The following NALCN variants were observed in gnomAD, a reference collection of about 807,000 sequenced individuals.
NALCN encodes the protein sodium leak channel, non-selective.
Under a neutral mutation model 225.3 loss-of-function variants are expected in NALCN, and 111 were observed. That is an observed-to-expected ratio of 0.49 (90% CI 0.42 to 0.58). The LOEUF (loss-of-function observed/expected upper bound fraction) is 0.58, where lower values mean the gene tolerates loss of function less well. Among genes scored for constraint, NALCN ranks in the 20% least tolerant of loss-of-function variants. The pLI is 0.00. For missense variants in NALCN, 1,378 were observed against 2,202.4 expected (o/e 0.63, Z 7.49); for synonymous variants, 764 against 769.0 (o/e 0.99, Z 0.11).
At chr13:101,135,264 T>A (rs1253705216) in intron 17 of NALCN, among the ~76,000 whole-genome samples, 1 of 152,196 alleles carries the variant, frequency 6.6e-6, no homozygotes, top group African/African-American at 2.4e-5. Context: ...AAATACAAAA[T>A]GACTTTATGA....
intron 1 of NALCN, among the ~76,000 whole-genome samples, chr13:101,405,760 A>G (rs969049143): frequency 2.0e-5 from 3 of 152,190 alleles, no homozygotes; most frequent in Non-Finnish European, 4.4e-5. Flanking sequence ...TTAAAAACAG[A>G]AGTTGCTGTA....
At chr13:101,335,529 T>G (rs1258835169) in intron 7 of NALCN, among the ~76,000 whole-genome samples, 2 of 152,138 alleles carry the variant, frequency 1.3e-5, no homozygotes, top group Non-Finnish European at 2.9e-5. Flanking sequence ...CAGGTTTTCC[T>G]TGTTCCATGA....
rs1207088698 is a variant in NALCN at position 101,372,243 on chromosome 13, T to C, written c.644+4457A>G. On this transcript the variant is annotated intron_variant, in intron 6 of 43. Transcript: ENST00000251127. ...TAAGAGAGATTGAAAATTTCTGTCA[T>C]GTCTAGAAAATTGAATAGTACTCTC... Among the ~76,000 whole-genome samples the C allele has an allele frequency of 3.9e-5, 6 of 152,180 alleles. No individual in the cohort carries two copies. In the South Asian group the frequency reaches 6.2e-4, roughly 16 times the overall value.
chr13:101,142,362 G>A lies in NALCN; in HGVS notation c.2118+718C>T, dbSNP rs538704482. ...ACACCATGTTGGCCAAGCTGGTCTCGAACTTCTGACCTCAAGTGATCCACC... is the reference window on the plus strand; with the variant it reads ...ACACCATGTTGGCCAAGCTGGTCTCAAACTTCTGACCTCAAGTGATCCACC... On this transcript the variant is annotated intron_variant, in intron 17 of 43. Transcript: ENST00000251127. Among the ~76,000 whole-genome samples the A allele has an allele frequency of 2.6e-3, 392 of 151,892 alleles. 1 individual carries two copies. The highest frequency in any genetic ancestry group is 9.0e-3 in the African/African-American group (374 of 41,422).
intron 14 of NALCN, among the ~76,000 whole-genome samples, chr13:101,185,889 A>G (rs1594389170): frequency 6.6e-6 from 1 of 152,190 alleles, no homozygotes; most frequent in Non-Finnish European, 1.5e-5. Flanking sequence ...GTTTACACAG[A>G]CTACTTTTTT....
chr13:101,077,881 A>G (rs150489118), intron 34 of NALCN, among the ~76,000 whole-genome samples: 23 of 152,276 alleles, frequency 1.5e-4, no homozygotes, highest in Admixed American at 1.3e-4. Flanking sequence ...GAAGGGAACA[A>G]TGGTTTTGTG....
chr13:101,220,640 G>A (rs1389463011), intron 13 of NALCN, among the ~76,000 whole-genome samples: 4 of 152,140 alleles, frequency 2.6e-5, no homozygotes, highest in Admixed American at 6.5e-5. Flanking sequence ...GGGAGAGGCC[G>A]AGCTGCTTTC....
At chr13:101,333,028 A>G (rs1335716824) in intron 7 of NALCN, among the ~76,000 whole-genome samples, 1 of 152,204 alleles carries the variant, frequency 6.6e-6, no homozygotes, top group Non-Finnish European at 1.5e-5. Context: ...ATTTATTAAC[A>G]TCATTCTATT....
chr13:101,165,454 C>T (rs1360202670), intron 15 of NALCN, among the ~76,000 whole-genome samples: 1 of 152,078 alleles, frequency 6.6e-6, no homozygotes, highest in East Asian at 1.9e-4. Flanking sequence ...ATAAATTTTG[C>T]CATCTTGATC....
intron 13 of NALCN, among the ~76,000 whole-genome samples, chr13:101,206,343 C>T (rs557716250): frequency 2.6e-5 from 4 of 151,974 alleles, no homozygotes; most frequent in Admixed American, 2.6e-4. Context: ...ATATAAATTT[C>T]AAAGCCACAC....
chr13:101,207,134 A>T (rs976018748), intron 13 of NALCN, among the ~76,000 whole-genome samples: 1 of 152,210 alleles, frequency 6.6e-6, no homozygotes, highest in African/African-American at 2.4e-5. Flanking sequence ...CAATTAGAAG[A>T]TCAAAGGATA....
chr13:101,227,509 G>T (rs1566458257), intron 13 of NALCN, among the ~76,000 whole-genome samples: 2 of 152,182 alleles, frequency 1.3e-5, no homozygotes, highest in Non-Finnish European at 2.9e-5. Context: ...ACAGGGAATT[G>T]AGGCCCCAAG....
At chr13:101,401,002 C>T (rs902920482) in intron 1 of NALCN, among the ~76,000 whole-genome samples, 2 of 152,122 alleles carry the variant, frequency 1.3e-5, no homozygotes, top group African/African-American at 4.8e-5. Flanking sequence ...TGAGGCCTCC[C>T]CAGCCATGCA....
intron 3 of NALCN, among the ~76,000 whole-genome samples, chr13:101,387,009 C>A (rs1396739957): frequency 6.6e-6 from 1 of 151,638 alleles, no homozygotes; most frequent in South Asian, 2.1e-4. Flanking sequence ...ATCATGAGGT[C>A]AGGAGATCGA....
At chr13:101,354,918 G>A (rs994368553) in intron 6 of NALCN, among the ~76,000 whole-genome samples, 8 of 152,120 alleles carry the variant, frequency 5.3e-5, no homozygotes, top group East Asian at 1.9e-4. Flanking sequence ...ACTCCTCAGC[G>A]CTGGAGGTGG....
chr13:101,401,276 A>G (rs2047470723), intron 1 of NALCN, among the ~76,000 whole-genome samples: 2 of 152,096 alleles, frequency 1.3e-5, no homozygotes, highest in African/African-American at 2.4e-5. Flanking sequence ...TAATGTATAC[A>G]GAGTATTTAA....
intron 13 of NALCN, among the ~76,000 whole-genome samples, chr13:101,216,694 T>G (rs144194893): frequency 8.6e-4 from 131 of 152,242 alleles, no homozygotes; most frequent in African/African-American, 2.9e-3. Flanking sequence ...TTTAAAAAAT[T>G]AAGGAGCAAA....
rs563300931 is a variant in NALCN, at chr13:101,232,487, C to T, written c.1435-2903G>A. Among the ~76,000 whole-genome samples the T allele has an allele frequency of 2.0e-3, 303 of 151,130 alleles. 2 individuals are homozygous for T. The highest frequency in any genetic ancestry group is 7.1e-3 in the African/African-American group (291 of 41,196). ...TTGTGACGGAGTCTCACTCTGTCGC[C>T]CAGGCTGGAGTGTAGTGGAGCGATC... On this transcript the variant is annotated intron_variant, in intron 12 of 43. Coordinates refer to ENST00000251127, the MANE Select transcript of NALCN (RefSeq NM_052867.4).
At chr13:101,206,185 A>C (rs2040305119) in intron 13 of NALCN, among the ~76,000 whole-genome samples, 1 of 152,012 alleles carries the variant, frequency 6.6e-6, no homozygotes. Context: ...ATTTTCTAAA[A>C]TCTCACCCAA....
Sources: allele counts gnomAD v4.1 joint callset (sites outside exome capture counted in the v4.1 genomes callset), GRCh38; gene constraint gnomAD v4.1.1; transcripts MANE v1.5; gene names NCBI Gene and HGNC (gene_info 2026-07-23, HGNC 2026-07-21).